ZFP64: variants seen among roughly 807,000 people sequenced by gnomAD.
The protein encoded by ZFP64 is ZFP64 zinc finger protein, also known as zinc finger protein 64.
A neutral mutation model predicts 51.6 loss-of-function variants in ZFP64; 14 were observed. That is an observed-to-expected ratio of 0.27 (90% CI 0.18 to 0.42). The LOEUF is 0.42. ZFP64 is among the 10% of genes least tolerant of loss of function. The pLI, the probability that ZFP64 is intolerant of heterozygous loss-of-function variation, is 1.00. For missense variants in ZFP64, 754 were observed against 906.8 expected (o/e 0.83, Z 2.16); for synonymous variants, 375 against 361.4 (o/e 1.04, Z -0.43).
At chr20:52,110,236 T>C in intron 5 of ZFP64, 1 of 273,672 alleles carries the variant, frequency 3.7e-6, no homozygotes, top group Non-Finnish European at 6.7e-6. Flanking sequence ...TGTAAGTTAG[T>C]ACCACTTTTC....
chr20:52,119,957 G>A (rs1158025225), intron 5 of ZFP64, among the ~76,000 whole-genome samples: 1 of 152,030 alleles, frequency 6.6e-6, no homozygotes, highest in Non-Finnish European at 1.5e-5. Context: ...GTGAATGTTT[G>A]TGCCTCCCCA....
chr20:52,097,585 G>A, intron 6 of ZFP64: 1 of 685,966 alleles, frequency 1.5e-6, no homozygotes, highest in South Asian at 1.9e-5. Flanking sequence ...CTCCTGAGTA[G>A]CTGGGATTAC....
intron 5 of ZFP64, among the ~76,000 whole-genome samples, chr20:52,110,065 T>C (rs1466590066): frequency 1.3e-5 from 2 of 152,140 alleles, no homozygotes; most frequent in African/African-American, 4.8e-5. Flanking sequence ...GTCAAAGACC[T>C]GGGCCGTACA....
At chr20:52,108,763 C>G (rs1010602200) in intron 5 of ZFP64, among the ~76,000 whole-genome samples, 2 of 151,882 alleles carry the variant, frequency 1.3e-5, no homozygotes, top group Admixed American at 6.6e-5. Flanking sequence ...CCTGCCTCAG[C>G]CTTCCAAAGT....
Position 52,151,973 on chromosome 20 carries a change from G to T in ZFP64, c.*173C>A. 7.4e-7 allele frequency: 1 copy of T among 1,351,304 alleles called. No homozygotes were observed. The highest frequency in any genetic ancestry group is 1.6e-5 in the South Asian group (1 of 63,770). 83.7% of individuals were successfully genotyped at this position (1,351,304 alleles called of 1,614,324 possible). A position where few individuals can be genotyped will look rare whatever the true frequency, so the allele number is the denominator to read the frequency against. On this transcript the variant is annotated 3_prime_UTR_variant, in exon 6 of 6. Coordinates refer to ENST00000216923, the MANE Select transcript of ZFP64 (RefSeq NM_018197.3). ...AATCGCTTGAACCTGGGAGGCGGAC[G>T]TTGCAGTGAGCCAAGATAGCGCCAC...
In ZFP64 at chr20:52,191,619, C is replaced by G. The variant is rs1272936292; in HGVS notation, c.18G>C (p.Glu6Asp). 5.1e-5 allele frequency: 81 copies of G among 1,589,134 alleles called. No individual in the cohort carries two copies. Among genetic ancestry groups the G allele is most frequent in the Non-Finnish European group, 6.6e-5 (77 of 1,170,590 alleles). Residue 6 changes from glutamate (E) to aspartate (D), a missense_variant, in exon 1 of 6, where the codon GAG (glutamate) becomes GAC (aspartate). By Grantham distance (45) the Glu-to-Asp change is conservative. Around this residue, in one of 3 missense-constraint regions of ZFP64, gnomAD observed 95 missense variants for 97.7 expected, o/e 0.97. Coordinates refer to ENST00000216923, the MANE Select transcript of ZFP64 (RefSeq NM_018197.3). The surrounding 1 kb of genome is among the most constrained non-coding windows in gnomAD (Gnocchi z 4.3). MNASS[E>D]GESFAGSVQI... Reference sequence around the variant, plus strand: ...GCACCGAGCCCGCGAAGCTCTCGCCCTCGCTGCTCGCGTTCATGGCCGCAG... The same window carrying G: ...GCACCGAGCCCGCGAAGCTCTCGCCGTCGCTGCTCGCGTTCATGGCCGCAG...
At chr20:52,104,359 T>C (rs1019861987) in intron 5 of ZFP64, among the ~76,000 whole-genome samples, 2 of 152,138 alleles carry the variant, frequency 1.3e-5, no homozygotes, top group Admixed American at 6.5e-5. Context: ...CCCGGGGGGC[T>C]TAAGGTAGCC....
chr20:52,117,104 G>T (rs1440156155), intron 5 of ZFP64, among the ~76,000 whole-genome samples: 2 of 150,798 alleles, frequency 1.3e-5, no homozygotes, highest in African/African-American at 4.9e-5. Context: ...CACAAATTAT[G>T]AATGTTGTAG....
intron 5 of ZFP64, among the ~76,000 whole-genome samples, chr20:52,109,317 C>T (rs549303686): frequency 2.2e-4 from 33 of 152,208 alleles, no homozygotes; most frequent in Admixed American, 1.2e-3. Flanking sequence ...GCACCCACCA[C>T]CATGCCTGGC....
Position 52,160,031 on chromosome 20 carries a change from T to C in ZFP64, c.763+92A>G, listed in dbSNP as rs1981646057. ...GGGATGAGCAAAGGTTCCAACTCGA[T>C]TTCTTACATTGTGGCTGAATGCTTT... On this transcript the variant is annotated intron_variant, in intron 5 of 5. Coordinates refer to ENST00000216923, the MANE Select transcript of ZFP64 (RefSeq NM_018197.3). The surrounding 1 kb of genome is among the most constrained non-coding windows in gnomAD (Gnocchi z 4.2). 2 of 1,571,842 alleles carry C rather than the reference T, an allele frequency of 1.3e-6. No individual in the cohort carries two copies. The highest frequency in any genetic ancestry group is 1.2e-5 in the South Asian group (1 of 86,132).
intron 2 of ZFP64, among the ~76,000 whole-genome samples, chr20:52,180,123 G>C (rs537853705): frequency 6.6e-6 from 1 of 152,190 alleles, no homozygotes; most frequent in Non-Finnish European, 1.5e-5. Context: ...AACTGTGTAT[G>C]TTCAACAGTA....
At chr20:52,173,972 A>G (rs568095144) in intron 2 of ZFP64, among the ~76,000 whole-genome samples, 2 of 152,056 alleles carry the variant, frequency 1.3e-5, no homozygotes, top group South Asian at 4.1e-4. Context: ...TTTTTATACA[A>G]AGCTCCTATC....
intron 3 of ZFP64, chr20:52,165,266 GATGA>G (rs1181070866): frequency 2.2e-6 from 1 of 456,128 alleles, no homozygotes; most frequent in Non-Finnish European, 4.4e-6. Context: ...TTCTGATCTT[GATGA>G]TTGTCCTGTG....
chr20:52,144,777 G>T (rs761402883), intron 5 of ZFP64, among the ~76,000 whole-genome samples: 1 of 151,578 alleles, frequency 6.6e-6, no homozygotes, highest in African/African-American at 2.4e-5. Flanking sequence ...AACAAGAAAG[G>T]TGGTGGACCC....
intron 7 of ZFP64, among the ~76,000 whole-genome samples, chr20:52,090,165 T>C (rs2078907955): frequency 6.6e-6 from 1 of 152,044 alleles, no homozygotes; most frequent in South Asian, 2.1e-4. Flanking sequence ...AGCAGGGTGG[T>C]CCAATTTCAG....
chr20:52,123,997 C>G (rs7265434), intron 5 of ZFP64, among the ~76,000 whole-genome samples: 63,896 of 151,548 alleles, frequency 0.42, 14,479 homozygotes, highest in Admixed American at 0.51. Context: ...AGCCTCCCGA[C>G]TAGCTGGGAC....
chr20:52,090,623 A>C (rs1419136746), intron 7 of ZFP64, among the ~76,000 whole-genome samples: 1 of 151,948 alleles, frequency 6.6e-6, no homozygotes, highest in Non-Finnish European at 1.5e-5. Flanking sequence ...ACATGGTGAA[A>C]TCCTGTCTCT....
intron 5 of ZFP64, among the ~76,000 whole-genome samples, chr20:52,108,055 G>GT (rs556158767): frequency 5.3e-4 from 80 of 152,286 alleles, no homozygotes; most frequent in African/African-American, 1.9e-3. Flanking sequence ...GCAAAACTCT[G>GT]TTTCTACAAA....
chr20:52,131,693 C>A (rs1979730544), intron 5 of ZFP64, among the ~76,000 whole-genome samples: 1 of 152,132 alleles, frequency 6.6e-6, no homozygotes, highest in Non-Finnish European at 1.5e-5. Flanking sequence ...ATATATGCAT[C>A]CAACTCTGGA....
Sources: gnomAD v4.1 joint callset for allele counts (sites outside exome capture counted in the v4.1 genomes callset) on GRCh38, gnomAD v4.1.1 for gene constraint, gnomAD v4.1.1 regional missense constraint, Gnocchi (gnomAD v3.1) non-coding constraint, MANE v1.5 for transcripts, NCBI Gene and HGNC (gene_info 2026-07-23, HGNC 2026-07-21) for gene names.